MACF1: variants seen among roughly 807,000 people sequenced by gnomAD.
The protein encoded by MACF1 is microtubule actin crosslinking factor 1.
Under a neutral mutation model 854.8 loss-of-function variants are expected in MACF1, and 193 were observed. That is an observed-to-expected ratio of 0.23 (90% CI 0.20 to 0.25). MACF1 has a LOEUF of 0.25. Ranked by LOEUF, MACF1 falls within the 10% of genes least tolerant of loss-of-function variation. The pLI is 1.00. For missense variants in MACF1, 7,722 were observed against 8,929.1 expected (o/e 0.86, Z 5.45); for synonymous variants, 3,185 against 3,226.7 (o/e 0.99, Z 0.44).
intron 21 of MACF1, among the ~76,000 whole-genome samples, chr1:39,297,972 G>A (rs1645959666): frequency 1.3e-5 from 2 of 152,020 alleles, no homozygotes; most frequent in South Asian, 4.1e-4. Context: ...TGTTATTGAA[G>A]TAAAGGCCTA....
At chr1:39,201,198 C>T (rs1170086951), upstream of MACF1, among the ~76,000 whole-genome samples, 1 of 152,152 alleles carries the variant, frequency 6.6e-6, no homozygotes, top group African/African-American at 2.4e-5. Flanking sequence ...TTTGTAATTA[C>T]AGAATTTGAA....
At chr1:39,298,073 G>A (rs1645961809) in intron 21 of MACF1, among the ~76,000 whole-genome samples, 1 of 151,790 alleles carries the variant, frequency 6.6e-6, no homozygotes, top group South Asian at 2.1e-4. Flanking sequence ...ATGAGGTGTT[G>A]AGCATGAAGA....
intron 2 of MACF1, among the ~76,000 whole-genome samples, chr1:39,087,000 G>A (rs1641688993): frequency 1.3e-5 from 2 of 152,194 alleles, no homozygotes; most frequent in South Asian, 4.1e-4. Flanking sequence ...CAGAGACGAG[G>A]CGGGACTGCG....
At chr1:39,404,082 C>A (rs924706338) in intron 58 of MACF1, among the ~76,000 whole-genome samples, 2 of 151,222 alleles carry the variant, frequency 1.3e-5, no homozygotes, top group African/African-American at 4.9e-5. Context: ...TGAGCGAGAT[C>A]GTGCCACTGC....
At position 39,332,602 on chromosome 1, in the gene MACF1, T is replaced by C. The variant is rs200977487; in HGVS notation, c.6014T>C (p.Val2005Ala). The change falls in exon 37 of 101, where the codon GTG (valine) becomes GCG (alanine). Residue 2005 changes from valine (V) to alanine (A), a missense_variant. Around this residue, in one of 15 missense-constraint regions of MACF1, gnomAD observed 1,531 missense variants for 1,601.6 expected, o/e 0.96. Coordinates refer to ENST00000564288, the MANE Select transcript of MACF1 (RefSeq NM_001394062.1). ...GAGTATCAAACAAGTCCTCCAAAAG[T>C]GGTTGAAATTGGGCATCAAAGGCAA... Reference protein sequence around the residue: ...RDEYQTSPPKVVEIGHQRQKT... With the variant: ...RDEYQTSPPKAVEIGHQRQKT... 263 of 1,613,794 alleles carry C rather than the reference T, an allele frequency of 1.6e-4. No individual in the cohort carries two copies. Among genetic ancestry groups the C allele is most frequent in the Non-Finnish European group, 2.1e-4 (250 of 1,179,984 alleles).
chr1:39,480,992 G>T lies in MACF1; in HGVS notation c.22243G>T (p.Asp7415Tyr). 6.4e-7 allele frequency: 1 copy of T among 1,550,652 alleles called. No individual in the cohort carries two copies. The highest frequency in any genetic ancestry group is 2.4e-5 in the East Asian group (1 of 40,908). Residue 7415 changes from aspartate to tyrosine, a missense_variant, in exon 99 of 101, where the codon GAC becomes TAC. Asp to Tyr is a radical substitution (Grantham distance 160). Around this residue, in one of 15 missense-constraint regions of MACF1, gnomAD observed 185 missense variants for 225.7 expected, o/e 0.82. Coordinates refer to ENST00000564288, the MANE Select transcript of MACF1 (RefSeq NM_001394062.1). Reference sequence around the variant, plus strand: ...CAGTAAAGCTGGCACCCCTATCAGGGACAGCCATTCTCCTGACCTCCAGCT... The same window carrying T: ...CAGTAAAGCTGGCACCCCTATCAGGTACAGCCATTCTCCTGACCTCCAGCT... The part of the protein sequence containing the change: ...VNSKAGTPIR[D>Y]SHSPDLQLPT...
chr1:39,465,381 G>C lies in MACF1; in HGVS notation c.21771+269G>C, dbSNP rs573322872. On this transcript the variant is annotated intron_variant, in intron 95 of 100. Transcript: ENST00000564288. ...TCCATTACACTTCTAAGAAGAGCCT[G>C]GTTTTGTACTTCTGTGTTAGAAGTC... 2.2e-4 allele frequency among the ~76,000 whole-genome samples: 33 copies of C among 152,228 alleles called. 1 individual carries two copies. The highest frequency in any genetic ancestry group is 7.9e-4 in the African/African-American group (33 of 41,542).
chr1:39,303,552 C>CA (rs541776198), intron 23 of MACF1, among the ~76,000 whole-genome samples: 19,059 of 138,718 alleles, frequency 0.14, 1,471 homozygotes, highest in East Asian at 0.18. Context: ...GACTCTGTCT[C>CA]AAAAAAAAAA....
At chr1:39,440,962 T>G in intron 72 of MACF1, 41 bp from the exon 73 acceptor site, 1 of 1,612,390 alleles carries the variant, frequency 6.2e-7, no homozygotes, top group Non-Finnish European at 8.5e-7. Context: ...AGTTCTGTTC[T>G]GTTTTCTATT....
chr1:39,212,374 C>T (rs1282174892), intron 1 of MACF1, among the ~76,000 whole-genome samples: 1 of 152,108 alleles, frequency 6.6e-6, no homozygotes, highest in Non-Finnish European at 1.5e-5. Flanking sequence ...AGGCCTGTCT[C>T]CTGTAGGTAG....
intron 2 of MACF1, among the ~76,000 whole-genome samples, chr1:39,164,312 C>A (rs1370450214): frequency 1.3e-5 from 2 of 152,122 alleles, no homozygotes; most frequent in Non-Finnish European, 2.9e-5. Flanking sequence ...AATTTTATTT[C>A]ACTTTTAAAG....
intron 6 of MACF1, among the ~76,000 whole-genome samples, chr1:39,265,560 G>A (rs752388426): frequency 2.6e-5 from 4 of 152,142 alleles, no homozygotes; most frequent in South Asian, 2.1e-4. Context: ...TTAGCTAACC[G>A]TTGAGCATTT....
intron 2 of MACF1, among the ~76,000 whole-genome samples, chr1:39,167,998 A>G (rs1290790015): frequency 1.3e-5 from 2 of 152,154 alleles, no homozygotes; most frequent in African/African-American, 4.8e-5. Flanking sequence ...ATGTTGTGCA[A>G]TGCTTTGTGT....
rs758280069 is a variant in MACF1 at position 39,357,677 on chromosome 1, C to A, written c.11727C>A (p.Ser3909Arg). The change falls in exon 45 of 101, where the codon AGC (serine) becomes AGA (arginine). Residue 3909 changes from serine (S) to arginine (R), a missense_variant. By Grantham distance (110) the Ser-to-Arg change is moderately radical (BLOSUM62 -1). This residue lies in a region of MACF1 where 2,807 missense variants were observed against 3,235.8 expected (regional missense o/e 0.87). Transcript: ENST00000564288. ...ELENMHKGGS[S>R]PETLPSLLKR... ...AGAACATGCATAAGGGAGGCAGCAG[C>A]CCCGAGACCCTTCCCTCCCTGCTAA... The A allele has an allele frequency of 5.0e-6, 8 of 1,614,020 alleles. No individual in the cohort carries two copies. Among genetic ancestry groups the A allele is most frequent in the Non-Finnish European group, 6.8e-6 (8 of 1,180,032 alleles).
At chr1:39,399,448 C>T (rs562563301) in intron 58 of MACF1, among the ~76,000 whole-genome samples, 1 of 144,388 alleles carries the variant, frequency 6.9e-6, no homozygotes, top group Non-Finnish European at 1.5e-5. Flanking sequence ...GATCTCGGCT[C>T]ACTGCAATTT....
At position 39,443,321 on chromosome 1, in the gene MACF1, A is replaced by G. The variant is rs1373223644; in HGVS notation, c.19303-125A>G. Reference sequence around the variant, plus strand: ...GGCCCCATGCTAATCTAGCAACAGAACAGCTTTGCCAGAGAGCAGCCGAAA... The same window carrying G: ...GGCCCCATGCTAATCTAGCAACAGAGCAGCTTTGCCAGAGAGCAGCCGAAA... On this transcript the variant is annotated intron_variant, in intron 78 of 100. Coordinates refer to ENST00000564288, the MANE Select transcript of MACF1 (RefSeq NM_001394062.1). 7 of 930,562 alleles carry G rather than the reference A, an allele frequency of 7.5e-6. No homozygotes were observed. In the African/African-American group the frequency reaches 8.3e-5, roughly 11 times the overall value. The allele number at this position is 930,562 out of a possible 1,614,324, so 57.6% of individuals were successfully genotyped here. A position where few individuals can be genotyped will look rare whatever the true frequency, so the allele number is the denominator to read the frequency against.
chr1:39,387,422 A>G lies in MACF1; in HGVS notation c.14580A>G (p.Leu4860=), dbSNP rs1457376590. The G allele has an allele frequency of 9.9e-6, 16 of 1,614,178 alleles. No individual in the cohort carries two copies. In the Middle Eastern group the frequency reaches 4.9e-4, roughly 50 times the overall value. ...YEVIVAEGES[L]LLSVPPGEEK... ...TGATTGTGGCTGAAGGGGAATCTCT[A>G]CTTCTTTCTGTACCTCCTGGAGAAG... The change falls in exon 58 of 101, where the codon CTA becomes CTG. Residue 4860 remains leucine (L), a synonymous_variant. Coordinates refer to ENST00000564288, the MANE Select transcript of MACF1 (RefSeq NM_001394062.1).
chr1:39,252,141 ATTG>A (rs1353490756), intron 4 of MACF1, among the ~76,000 whole-genome samples, 200 bp downstream of exon 4: 2 of 152,204 alleles, frequency 1.3e-5, no homozygotes, highest in Non-Finnish European at 2.9e-5. Context: ...TGGACTGGGA[ATTG>A]TTTTTCTTAG....
At chr1:39,243,308 T>C (rs529590739) in intron 2 of MACF1, among the ~76,000 whole-genome samples, 1 of 152,376 alleles carries the variant, frequency 6.6e-6, no homozygotes, top group Admixed American at 6.5e-5. Flanking sequence ...TGCAGTTTTT[T>C]ACTCATTTGT....
Sources: allele counts gnomAD v4.1 joint callset (sites outside exome capture counted in the v4.1 genomes callset), GRCh38; gene constraint gnomAD v4.1.1; regional missense constraint gnomAD v4.1.1; transcripts MANE v1.5; gene names NCBI Gene and HGNC (gene_info 2026-07-23, HGNC 2026-07-21).